DRC12: variants seen among roughly 807,000 people sequenced by gnomAD.
DRC12 encodes dynein regulatory complex subunit 12 homolog.
At chr11:119,190,988 G>T in the DRC12 span, 2 of 943,454 alleles carry the variant, frequency 2.1e-6, no homozygotes, top group South Asian at 3.4e-5. The surrounding 1 kb of genome is among the most constrained non-coding windows in gnomAD (Gnocchi z 4.2). Flanking sequence ...TGTAAAAGCT[G>T]AAGCTCCACT....
chr11:119,195,265 CCTCA>C, the DRC12 span: 1 of 697,360 alleles, frequency 1.4e-6, no homozygotes, highest in East Asian at 2.7e-5. Context: ...TTCCCCACTT[CCTCA>C]GCTCCCTGGA....
chr11:119,195,003 G>A, the DRC12 span: 14 of 1,549,658 alleles, frequency 9.0e-6, no homozygotes, highest in Non-Finnish European at 1.2e-5. Context: ...ACCTGCGGTG[G>A]CAAGTGGCAG....
the DRC12 span, chr11:119,193,746 C>T: frequency 3.9e-6 from 6 of 1,551,228 alleles, no homozygotes; most frequent in South Asian, 7.1e-5. Flanking sequence ...TCCTGCCCAC[C>T]TGCTTAACCG....
chr11:119,193,782 C>G, the DRC12 span: 3 of 1,551,750 alleles, frequency 1.9e-6, no homozygotes, highest in Non-Finnish European at 2.6e-6. Context: ...ATATGGCCTT[C>G]CCTTCACTTC....
chr11:119,190,329 A>G, the DRC12 span: 2 of 1,614,078 alleles, frequency 1.2e-6, no homozygotes, highest in South Asian at 1.1e-5. This position sits in a 1 kb window ranked among gnomAD's most constrained non-coding sequence, Gnocchi z 4.2. Flanking sequence ...GGCCTCAAAG[A>G]TCCAGGGGGG....
At chr11:119,193,924 G>C in the DRC12 span, 4 of 1,543,440 alleles carry the variant, frequency 2.6e-6, no homozygotes, top group Non-Finnish European at 3.5e-6. Context: ...GACTGGCTGG[G>C]TCCCACTAAA....
At chr11:119,193,983 G>A in the DRC12 span, 1 of 1,256,702 alleles carries the variant, frequency 8.0e-7, no homozygotes, top group Non-Finnish European at 1.1e-6. Flanking sequence ...GAAATCTGGT[G>A]GTGGGGTGTC....
the DRC12 span, chr11:119,193,868 C>T: frequency 5.2e-6 from 8 of 1,551,390 alleles, no homozygotes; most frequent in Admixed American, 2.0e-5. Flanking sequence ...GCTCGACGGG[C>T]TTCATCCCTC....
the DRC12 span, among the ~76,000 whole-genome samples, chr11:119,192,271 C>T: frequency 3.9e-5 from 6 of 151,976 alleles, no homozygotes; most frequent in African/African-American, 1.2e-4. Context: ...CCACCGCACC[C>T]GGTTGAAGGC....
At chr11:119,193,976 A>T in the DRC12 span, 3 of 1,316,916 alleles carry the variant, frequency 2.3e-6, no homozygotes, top group Non-Finnish European at 3.1e-6. Context: ...ACCTCTAGAA[A>T]TCTGGTGGTG....
At chr11:119,190,355 C>A in the DRC12 span, 1 of 1,613,780 alleles carries the variant, frequency 6.2e-7, no homozygotes, top group South Asian at 1.1e-5. This position sits in a 1 kb window ranked among gnomAD's most constrained non-coding sequence, Gnocchi z 4.2. Flanking sequence ...TCCAAACTGG[C>A]GTTGCTGCTC....
the DRC12 span, among the ~76,000 whole-genome samples, chr11:119,194,395 T>A: frequency 1.3e-5 from 2 of 151,292 alleles, no homozygotes; most frequent in Non-Finnish European, 2.9e-5. Flanking sequence ...GTGCCTGTAA[T>A]CCCAGCTACT....
chr11:119,195,651 G>A, the DRC12 span: 1 of 617,784 alleles, frequency 1.6e-6, no homozygotes, highest in Non-Finnish European at 2.8e-6. Flanking sequence ...CTCAGACAGG[G>A]TTGGGGTCAG....
chr11:119,192,038 C>G, the DRC12 span, among the ~76,000 whole-genome samples: 2 of 148,570 alleles, frequency 1.3e-5, no homozygotes, highest in African/African-American at 2.5e-5. Context: ...TGCAGTGGTG[C>G]GATCTCGGCT....
the DRC12 span, chr11:119,193,579 G>A: frequency 2.1e-6 from 3 of 1,434,158 alleles, no homozygotes; most frequent in Non-Finnish European, 2.7e-6. Context: ...CCCTGCCTGG[G>A]ATCCCAGGAA....
chr11:119,194,541 A>AAAAAAAAAAAAAAAAAG, the DRC12 span, among the ~76,000 whole-genome samples: 5 of 66,002 alleles, frequency 7.6e-5, 1 homozygote, highest in African/African-American at 3.1e-4. Flanking sequence ...AAAAAAAAAA[A>AAAAAAAAAAAAAAAAAG]AAAATAAATA....
At chr11:119,195,827 G>A in the DRC12 span, 1 of 223,732 alleles carries the variant, frequency 4.5e-6, no homozygotes, top group Non-Finnish European at 8.8e-6. Flanking sequence ...CCAGCGTTGG[G>A]GCTCCCCGTG....
At chr11:119,193,003 C>T in the DRC12 span, 8 of 697,272 alleles carry the variant, frequency 1.1e-5, no homozygotes, top group Non-Finnish European at 2.0e-5. Flanking sequence ...CTGCAGTCCT[C>T]AGTGGTGGAG....
the DRC12 span, among the ~76,000 whole-genome samples, chr11:119,194,635 A>G: frequency 6.6e-6 from 1 of 151,308 alleles, no homozygotes; most frequent in Non-Finnish European, 1.5e-5. Flanking sequence ...GCGGCCCAGG[A>G]GTTAGAGATT....
Sources: allele counts gnomAD v4.1 joint callset (sites outside exome capture counted in the v4.1 genomes callset), GRCh38; gene constraint gnomAD v4.1.1; non-coding constraint Gnocchi (gnomAD v3.1); transcripts MANE v1.5; gene names NCBI Gene and HGNC (gene_info 2026-07-23, HGNC 2026-07-21).